The following ZDHHC13 variants were observed in gnomAD, a reference collection of about 807,000 sequenced individuals.
ZDHHC13 encodes zDHHC palmitoyltransferase 13, also known as palmitoyltransferase ZDHHC13.
Under a neutral mutation model 86.0 loss-of-function variants are expected in ZDHHC13, and 85 were observed. That is an observed-to-expected ratio of 0.99 (90% CI 0.83 to 1.18). The LOEUF is 1.18. Ranked by LOEUF, ZDHHC13 falls within the 50% of genes most tolerant of loss-of-function variation. ZDHHC13 has a pLI of 0.00. For synonymous variants in ZDHHC13, 263 were observed against 246.4 expected, an observed-to-expected ratio of 1.07 and a Z score of -0.63; for missense variants, 711 against 730.2, an observed-to-expected ratio of 0.97 and a Z score of 0.30.
Position 19,117,206 on chromosome 11 carries a change from C to T in ZDHHC13, c.-44C>T, listed in dbSNP as rs1760499165. Reference sequence around the variant, plus strand: ...GGCGGGCTGGCGGGCTGGCGGCAGTCGCTACTTGCCTAGTAGCCTCAGCCG... The same window carrying T: ...GGCGGGCTGGCGGGCTGGCGGCAGTTGCTACTTGCCTAGTAGCCTCAGCCG... On this transcript the variant is annotated 5_prime_UTR_variant, in exon 1 of 17. Coordinates refer to ENST00000446113, the MANE Select transcript of ZDHHC13 (RefSeq NM_019028.3). This position sits in a 1 kb window ranked among gnomAD's most constrained non-coding sequence, Gnocchi z 4.2. The T allele has an allele frequency of 6.5e-7, 1 of 1,530,092 alleles. No homozygotes were observed. The highest frequency in any genetic ancestry group is 8.8e-7 in the Non-Finnish European group (1 of 1,141,848). The allele number at this position is 1,530,092 out of a possible 1,614,324, so 94.8% of individuals were successfully genotyped here.
At chr11:19,158,718 T>C (rs1381895152) in intron 9 of ZDHHC13, among the ~76,000 whole-genome samples, 1 of 152,168 alleles carries the variant, frequency 6.6e-6, no homozygotes, top group African/African-American at 2.4e-5. Flanking sequence ...CATACACTTC[T>C]TGAGAGTCGT....
intron 1 of ZDHHC13, among the ~76,000 whole-genome samples, chr11:19,120,255 G>C (rs1448528052): frequency 1.3e-5 from 2 of 152,206 alleles, no homozygotes; most frequent in African/African-American, 4.8e-5. Context: ...GGGTTGGTTT[G>C]TTTCTGTTCC....
intron 14 of ZDHHC13, 54 bp from the exon 15 acceptor site, chr11:19,170,357 T>A: frequency 1.4e-6 from 2 of 1,479,572 alleles, no homozygotes; most frequent in Middle Eastern, 1.9e-4. Flanking sequence ...TCTTGGAGAC[T>A]GATAAGTAGT....
At chr11:19,164,738 T>C (rs535028737) in intron 12 of ZDHHC13, 520 of 426,042 alleles carry the variant, frequency 1.2e-3, no homozygotes, top group Non-Finnish European at 1.7e-3. Flanking sequence ...TCCCAAATTA[T>C]TGGTGGTGCT....
At chr11:19,165,011 A>G in intron 12 of ZDHHC13, 41 bp from the exon 13 acceptor site, 1 of 1,569,158 alleles carries the variant, frequency 6.4e-7, no homozygotes, top group South Asian at 1.1e-5. Context: ...CCACTTTGAG[A>G]CACTGGTTTT....
At chr11:19,143,423 T>C (rs1047509202) in intron 2 of ZDHHC13, among the ~76,000 whole-genome samples, 1 of 152,244 alleles carries the variant, frequency 6.6e-6, no homozygotes, top group African/African-American at 2.4e-5. Flanking sequence ...TAAATGTTCC[T>C]TGAATGAATG....
chr11:19,167,412 T>G (rs924119624), intron 14 of ZDHHC13: 3 of 152,218 alleles, frequency 2.0e-5, no homozygotes, highest in African/African-American at 7.2e-5. Context: ...TAGTTTAAAA[T>G]TTTTGTTAGT....
At position 19,138,495 on chromosome 11, in the gene ZDHHC13, C is replaced by A. The variant is rs1173839266; in HGVS notation, c.28-4483C>A. On this transcript the variant is annotated intron_variant, in intron 1 of 16. Transcript: ENST00000446113. ...ATTCTACCAGAGGTACAAGGAGGAA[C>A]TGGTACCATTCCTTCTGAAACTATT... 3.3e-5 allele frequency among the ~76,000 whole-genome samples: 5 copies of A among 151,956 alleles called. No homozygotes were observed. The South Asian group carries it at 1.0e-3, about 32-fold the overall frequency.
chr11:19,142,051 A>T (rs1452054633), intron 1 of ZDHHC13, among the ~76,000 whole-genome samples: 1 of 152,114 alleles, frequency 6.6e-6, no homozygotes, highest in Non-Finnish European at 1.5e-5. Context: ...CCTATTTATT[A>T]TGTCATAGTT....
chr11:19,152,324 T>C lies in ZDHHC13; in HGVS notation c.747+4T>C. ...CCTGGATATCCAGAATGTTAAGGTA[T>C]GGCCAGATATTTATCTCCCTTAGTT... On this transcript the variant is annotated splice_donor_region_variant and intron_variant, in intron 7 of 16. Coordinates refer to ENST00000446113, the MANE Select transcript of ZDHHC13 (RefSeq NM_019028.3). 6 of 1,612,024 alleles carry C rather than the reference T, an allele frequency of 3.7e-6. No homozygotes were observed. The highest frequency in any genetic ancestry group is 5.1e-6 in the Non-Finnish European group (6 of 1,179,014).
At chr11:19,131,502 C>A (rs148116816) in intron 1 of ZDHHC13, among the ~76,000 whole-genome samples, 1 of 152,222 alleles carries the variant, frequency 6.6e-6, no homozygotes, top group East Asian at 1.9e-4. Flanking sequence ...AATTATACAT[C>A]TTCAGTCGTC....
At chr11:19,172,596 C>A in intron 15 of ZDHHC13, 127 bp from the exon 16 acceptor site, 1 of 610,478 alleles carries the variant, frequency 1.6e-6, no homozygotes, top group South Asian at 3.4e-5. Context: ...TTTCTTTGTC[C>A]CTTTTCAAGG....
intron 9 of ZDHHC13, 24 bp from the exon 10 acceptor site, chr11:19,158,916 T>G: frequency 6.9e-7 from 1 of 1,449,234 alleles, no homozygotes; most frequent in Non-Finnish European, 9.3e-7. Flanking sequence ...TACTAATAAC[T>G]TATATTTATC....
intron 10 of ZDHHC13, among the ~76,000 whole-genome samples, chr11:19,162,392 T>C (rs1849937363): frequency 6.6e-6 from 1 of 152,166 alleles, no homozygotes; most frequent in African/African-American, 2.4e-5. Flanking sequence ...TAAAGCATTC[T>C]TAAATTCAGG....
chr11:19,140,875 A>G (rs965630213), intron 1 of ZDHHC13, among the ~76,000 whole-genome samples: 11 of 131,932 alleles, frequency 8.3e-5, no homozygotes, highest in Admixed American at 1.8e-4. Context: ...ATGAGAACAC[A>G]TGGACACAGG....
intron 13 of ZDHHC13, among the ~76,000 whole-genome samples, chr11:19,165,744 G>A (rs1850047951): frequency 6.6e-6 from 1 of 152,120 alleles, no homozygotes; most frequent in Non-Finnish European, 1.5e-5. Context: ...TGTTCCCCCT[G>A]ATTAAGTCAA....
chr11:19,149,535 G>A (rs577209854), intron 5 of ZDHHC13, among the ~76,000 whole-genome samples: 15 of 152,266 alleles, frequency 9.9e-5, no homozygotes, highest in East Asian at 5.8e-4. Context: ...GCTCAGTAAC[G>A]TATAATAGAT....
At chr11:19,147,772 T>TC (rs146892489) in intron 4 of ZDHHC13, 99 bp downstream of exon 4, 51,684 of 403,464 alleles carry the variant, frequency 0.13, 344 homozygotes, top group Middle Eastern at 0.17. Flanking sequence ...TGTCTTTTCT[T>TC]CCCCCCCCCC....
chr11:19,174,107 C>G (rs111889207), intron 16 of ZDHHC13, among the ~76,000 whole-genome samples: 19 of 152,130 alleles, frequency 1.2e-4, no homozygotes, highest in Non-Finnish European at 2.2e-4. Context: ...GTACTGAACT[C>G]GGTATATACC....
Sources: gnomAD v4.1 joint callset for allele counts (sites outside exome capture counted in the v4.1 genomes callset) on GRCh38, gnomAD v4.1.1 for gene constraint, Gnocchi (gnomAD v3.1) non-coding constraint, MANE v1.5 for transcripts, NCBI Gene and HGNC (gene_info 2026-07-23, HGNC 2026-07-21) for gene names.